The following HTR4 variants were observed in gnomAD, a reference collection of about 807,000 sequenced individuals.
The protein encoded by HTR4 is 5-hydroxytryptamine (serotonin) receptor 4, G protein-coupled.
Under a neutral mutation model 36.8 loss-of-function variants are expected in HTR4, and 16 were observed. The ratio of observed to expected loss-of-function variants is 0.43; its 90% CI spans 0.29 to 0.66. The LOEUF (loss-of-function observed/expected upper bound fraction) is 0.66, where lower values mean the gene tolerates loss of function less well. Among genes scored for constraint, HTR4 ranks in the 30% least tolerant of loss-of-function variants. The probability of loss-of-function intolerance (pLI) is 0.13; values close to 1 mark genes in which losing one functional copy is unlikely to be tolerated. For synonymous variants in HTR4, 189 were observed against 185.1 expected (o/e 1.02, Z -0.17); for missense variants, 438 against 490.9 (o/e 0.89, Z 1.02).
intron 5 of HTR4, among the ~76,000 whole-genome samples, chr5:148,460,857 T>A (rs1755260014): frequency 6.6e-6 from 1 of 152,106 alleles, no homozygotes; most frequent in Non-Finnish European, 1.5e-5. Context: ...TGGAGTTACA[T>A]CCTGATAAAT....
intron 1 of HTR4, chr5:148,645,238 A>T (rs1753846883): frequency 6.6e-6 from 1 of 152,184 alleles, no homozygotes; most frequent in Non-Finnish European, 1.5e-5. Context: ...CTATTTACCA[A>T]ATATTTTAGG....
At chr5:148,509,231 G>T (rs1757373383) in intron 6 of HTR4, 1 of 485,546 alleles carries the variant, frequency 2.1e-6, no homozygotes, top group Admixed American at 3.8e-5. Context: ...CCTGCCCAAG[G>T]TCACAGAACT....
intron 4 of HTR4, among the ~76,000 whole-genome samples, chr5:148,535,456 G>A (rs1581439130): frequency 6.6e-6 from 1 of 151,972 alleles, no homozygotes. Flanking sequence ...CAGCAAAATG[G>A]CAAAACCCAA....
intron 5 of HTR4, among the ~76,000 whole-genome samples, chr5:148,516,858 A>T (rs1369362540): frequency 6.6e-6 from 1 of 152,178 alleles, no homozygotes; most frequent in South Asian, 2.1e-4. Flanking sequence ...AGCAGATAGA[A>T]TATGAAAAGA....
rs1755939352 is a variant in HTR4 at position 148,482,564 on chromosome 5, T to C, written c.*639A>G. The C allele has an allele frequency of 3.0e-6, 3 of 986,072 alleles. No homozygotes were observed. The highest frequency in any genetic ancestry group is 3.6e-6 in the Non-Finnish European group (3 of 830,462). The allele number at this position is 986,072 out of a possible 1,614,324, so 61.1% of individuals were successfully genotyped here. A position where few individuals can be genotyped will look rare whatever the true frequency, so the allele number is the denominator to read the frequency against. On this transcript the variant is annotated 3_prime_UTR_variant, in exon 7 of 7. Coordinates refer to ENST00000377888, the MANE Select transcript of HTR4 (RefSeq NM_000870.7). ...ATGTCCTGAAGAGGAGGACAGACAT[T>C]GGACATAAGGAAGAGCAAGTGGACG...
intron 5 of HTR4, among the ~76,000 whole-genome samples, chr5:148,468,081 T>C (rs1234240473): frequency 6.6e-6 from 1 of 152,208 alleles, no homozygotes; most frequent in Non-Finnish European, 1.5e-5. Flanking sequence ...GGGATAGAGC[T>C]GAGGTAGGTC....
intron 2 of HTR4, among the ~76,000 whole-genome samples, chr5:148,595,513 G>A (rs193280117): frequency 6.6e-6 from 1 of 152,224 alleles, no homozygotes. Context: ...CTACCCACCA[G>A]GAGCAAATCA....
intron 2 of HTR4, among the ~76,000 whole-genome samples, chr5:148,569,405 G>A (rs943557350): frequency 2.0e-5 from 3 of 152,030 alleles, no homozygotes; most frequent in African/African-American, 7.2e-5. Context: ...ATGCATGTGA[G>A]GCTTAATGCC....
chr5:148,577,004 T>C (rs1213379285), intron 2 of HTR4, among the ~76,000 whole-genome samples: 1 of 151,720 alleles, frequency 6.6e-6, no homozygotes, highest in African/African-American at 2.4e-5. Context: ...TGCACAACAA[T>C]GACAAAAAAC....
chr5:148,485,241 C>A (rs1289856412), intron 6 of HTR4, among the ~76,000 whole-genome samples: 2 of 152,200 alleles, frequency 1.3e-5, no homozygotes, highest in African/African-American at 4.8e-5. Context: ...TCATGTATTA[C>A]ACCCATTTAA....
chr5:148,651,357 G>A (rs182394845), intron 1 of HTR4, among the ~76,000 whole-genome samples: 40 of 152,258 alleles, frequency 2.6e-4, no homozygotes, highest in Admixed American at 2.6e-3. Flanking sequence ...AAGGCAGCTA[G>A]CACCACAGCA....
chr5:148,456,715 G>A lies in HTR4; in HGVS notation c.1077-5443C>T, dbSNP rs575616822. Among the ~76,000 whole-genome samples the A allele has an allele frequency of 1.1e-4, 16 of 152,266 alleles. No individual in the cohort carries two copies. The South Asian group carries it at 1.7e-3, about 16-fold the overall frequency. On this transcript the variant is annotated intron_variant, in intron 5 of 5. Coordinates refer to the HTR4 transcript ENST00000521530. ...TAGGCTCAAAGAAATAAATAAATCC[G>A]GAATCATTAAGAATACAGGTTCTTG...
chr5:148,501,688 A>G (rs3995092), intron 6 of HTR4, among the ~76,000 whole-genome samples: 24,053 of 152,056 alleles, frequency 0.16, 3,482 homozygotes, highest in African/African-American at 0.38. Context: ...GCAGGTTTCA[A>G]CTATTCTGTA....
intron 2 of HTR4, among the ~76,000 whole-genome samples, chr5:148,627,275 T>G (rs1166119347): frequency 6.6e-6 from 1 of 152,216 alleles, no homozygotes; most frequent in African/African-American, 2.4e-5. Context: ...AACTTCCATA[T>G]TTAGTTGTCT....
At chr5:148,489,154 A>G (rs151004560) in intron 6 of HTR4, among the ~76,000 whole-genome samples, 128 of 152,338 alleles carry the variant, frequency 8.4e-4, no homozygotes, top group African/African-American at 3.0e-3. Flanking sequence ...AACACAGCCA[A>G]TATTTACTGA....
intron 5 of HTR4, among the ~76,000 whole-genome samples, chr5:148,467,259 C>G (rs1369160048): frequency 6.6e-6 from 1 of 152,118 alleles, no homozygotes; most frequent in Non-Finnish European, 1.5e-5. Flanking sequence ...TTACACATCA[C>G]CAATATCTGG....
At chr5:148,484,250 T>G (rs1398957958) in intron 6 of HTR4, 1 of 1,611,208 alleles carries the variant, frequency 6.2e-7, no homozygotes, top group South Asian at 1.1e-5. Context: ...AAACAGAGAA[T>G]CATAGTTACC....
At chr5:148,635,378 G>A (rs1455965801) in intron 2 of HTR4, among the ~76,000 whole-genome samples, 1 of 152,056 alleles carries the variant, frequency 6.6e-6, no homozygotes, top group African/African-American at 2.4e-5. Context: ...GGGGGAGTGG[G>A]TGAGGAGAAA....
At chr5:148,580,064 G>C (rs570273376) in intron 2 of HTR4, among the ~76,000 whole-genome samples, 2 of 152,026 alleles carry the variant, frequency 1.3e-5, no homozygotes, top group African/African-American at 4.8e-5. Context: ...ATATCTTGGG[G>C]GACAGCTTAC....
Sources: allele counts gnomAD v4.1 joint callset (sites outside exome capture counted in the v4.1 genomes callset), GRCh38; gene constraint gnomAD v4.1.1; transcripts MANE v1.5; gene names NCBI Gene and HGNC (gene_info 2026-07-23, HGNC 2026-07-21).